Variants in GDF10 observed in about 807,000 individuals in gnomAD.
GDF10 encodes growth/differentiation factor 10.
In GDF10, 23 loss-of-function variants were observed where a neutral mutation model predicts 32.1. The observed-to-expected ratio is 0.72, with a 90% confidence interval of 0.52 to 1.02. The LOEUF is 1.02. GDF10 is among the 50% of genes least tolerant of loss of function. The pLI, the probability that GDF10 is intolerant of heterozygous loss-of-function variation, is 0.00. For synonymous variants in GDF10, 328 were observed against 303.1 expected (o/e 1.08, Z -0.85); for missense variants, 764 against 673.9 (o/e 1.13, Z -1.48).
chr10:47,310,737 C>T lies in GDF10; in HGVS notation c.1245+16C>T, dbSNP rs9421733. Reference sequence around the variant, plus strand: ...CATGCCTAAGGTAGGGTTTCTTCCGCCTTTTGCCAAATTCTAAGGCTCAGC... The same window carrying T: ...CATGCCTAAGGTAGGGTTTCTTCCGTCTTTTGCCAAATTCTAAGGCTCAGC... On this transcript the variant is annotated intron_variant, in intron 2 of 2. Coordinates refer to ENST00000580279, the MANE Select transcript of GDF10 (RefSeq NM_004962.5). The T allele has an allele frequency of 0.013, 20,004 of 1,575,326 alleles. 177 individuals are homozygous for T. Among genetic ancestry groups the T allele is most frequent in the Non-Finnish European group, 0.014 (15,642 of 1,145,270 alleles).
intron 2 of GDF10, 123 bp from the exon 3 acceptor site, chr10:47,312,478 A>G (rs1470510500): frequency 2.0e-6 from 1 of 511,482 alleles, no homozygotes; most frequent in Non-Finnish European, 3.4e-6. Context: ...GTGGATGCCT[A>G]TTCTGTGGCC....
chr10:47,309,636 T>C (rs1275957934), intron 1 of GDF10, among the ~76,000 whole-genome samples, 160 bp from the exon 2 acceptor site: 2 of 152,176 alleles, frequency 1.3e-5, no homozygotes, highest in East Asian at 3.8e-4. Context: ...CCCTCATCAG[T>C]TTCATGTGAG....
At position 47,300,687 on chromosome 10, in the gene GDF10, C is replaced by G. The variant is rs782734590; in HGVS notation, c.36C>G (p.Pro12=). 3 of 1,602,562 alleles carry G rather than the reference C, an allele frequency of 1.9e-6. No homozygotes were observed. The highest frequency in any genetic ancestry group is 2.7e-5 in the African/African-American group (2 of 73,872). Residue 12 remains proline, a synonymous_variant, in exon 1 of 3, where the codon CCC becomes CCG. Transcript: ENST00000580279. Reference sequence around the variant, plus strand: ...TCCCCGCTCGGACCAGCCCGGGACCCGGGCCCCAGCTGCTGCTGCTGCTGC... The same window carrying G: ...TCCCCGCTCGGACCAGCCCGGGACCGGGGCCCCAGCTGCTGCTGCTGCTGC... ...AHVPARTSPG[P]GPQLLLLLLP... is the part of the protein sequence containing the mutation.
rs1029667861 is a variant in GDF10, at chr10:47,300,945, G to C, written c.294G>C (p.Thr98=). Residue 98 remains threonine, a synonymous_variant, in exon 1 of 3, where the codon ACG becomes ACC. Coordinates refer to ENST00000580279, the MANE Select transcript of GDF10 (RefSeq NM_004962.5). ...RQGARPGGGN[T]VRSFRARLEV... ...GCGCGCGGCCGGGAGGGGGCAACAC[G>C]GTCCGCAGCTTCAGGGCCAGGCTGG... The C allele has an allele frequency of 2.6e-6, 4 of 1,519,794 alleles. No individual in the cohort carries two copies. The highest frequency in any genetic ancestry group is 3.5e-6 in the Non-Finnish European group (4 of 1,140,614). 94.1% of individuals were successfully genotyped at this position (1,519,794 alleles called of 1,614,324 possible).
chr10:47,305,905 T>C (rs782696822), intron 1 of GDF10, among the ~76,000 whole-genome samples: 2 of 152,198 alleles, frequency 1.3e-5, no homozygotes, highest in Admixed American at 6.5e-5. Flanking sequence ...ATGACCTCTG[T>C]TTGCAAAACG....
chr10:47,300,990 G>A lies in GDF10; in HGVS notation c.319+20G>A. 2 of 1,422,216 alleles carry A rather than the reference G, an allele frequency of 1.4e-6. No homozygotes were observed. The highest frequency in any genetic ancestry group is 1.5e-5 in the South Asian group (1 of 67,708). 88.1% of individuals were successfully genotyped at this position (1,422,216 alleles called of 1,614,324 possible). On this transcript the variant is annotated intron_variant, in intron 1 of 2. Coordinates refer to ENST00000580279, the MANE Select transcript of GDF10 (RefSeq NM_004962.5). ...GGCTGGGTAAGTAGAGGGTGCCCCA[G>A]GACCCCTTCTCCTCATTCTCCACCT...
rs782447417 is a variant in GDF10, at chr10:47,312,691, G to A, written c.1336G>A (p.Asp446Asn). Residue 446 changes from aspartate to asparagine, a missense_variant, in exon 3 of 3, where the codon GAT becomes AAT. Asp to Asn is a conservative substitution (Grantham distance 23). Transcript: ENST00000580279. The part of the protein sequence containing the change: ...PGIPEPCCVP[D>N]KMNSLGVLFL... ...CATCCCAGAGCCCTGCTGTGTTCCC[G>A]ATAAGATGAACTCCCTTGGGGTCCT... The A allele has an allele frequency of 9.9e-6, 16 of 1,610,430 alleles. No individual in the cohort carries two copies. The highest frequency in any genetic ancestry group is 2.7e-5 in the African/African-American group (2 of 74,838).
rs782323195 is a variant in GDF10 at position 47,310,061 on chromosome 10, C to A, written c.585C>A (p.Pro195=). The change falls in exon 2 of 3, where the codon CCC becomes CCA. Residue 195 remains proline, a synonymous_variant. Transcript: ENST00000580279. Reference sequence around the variant, plus strand: ...TCCGCGGGGCCATGGCCCTGGCGCCCCCACCGCGCGGCCTGTGGCAGGCCA... The same window carrying A: ...TCCGCGGGGCCATGGCCCTGGCGCCACCACCGCGCGGCCTGTGGCAGGCCA... ...GLLRGAMALA[P]PPRGLWQAKD... The A allele has an allele frequency of 1.9e-6, 3 of 1,605,132 alleles. No individual in the cohort carries two copies. In the East Asian group the frequency reaches 6.7e-5, roughly 36 times the overall value.
At position 47,300,577 on chromosome 10, in the gene GDF10, A is replaced by G. The variant is rs1210620819; in HGVS notation, c.-75A>G. 2 of 1,385,160 alleles carry G rather than the reference A, an allele frequency of 1.4e-6. No individual in the cohort carries two copies. The highest frequency in any genetic ancestry group is 1.9e-6 in the Non-Finnish European group (2 of 1,032,400). The allele number at this position is 1,385,160 out of a possible 1,614,324, so 85.8% of individuals were successfully genotyped here. A position where few individuals can be genotyped will look rare whatever the true frequency, so the allele number is the denominator to read the frequency against. ...CCGCGCGCCCTACTGCCGCGAGGTCAGTCCGCAGCCTCCGGTGCGCCAGCG... is the reference window on the plus strand; with the variant it reads ...CCGCGCGCCCTACTGCCGCGAGGTCGGTCCGCAGCCTCCGGTGCGCCAGCG... On this transcript the variant is annotated 5_prime_UTR_variant, in exon 1 of 3. Transcript: ENST00000580279.
rs781918905 is a variant in GDF10 at position 47,310,059 on chromosome 10, C to T, written c.583C>T (p.Pro195Ser). Residue 195 changes from proline to serine, a missense_variant, in exon 2 of 3, where the codon CCC (proline) becomes TCC (serine). Coordinates refer to ENST00000580279, the MANE Select transcript of GDF10 (RefSeq NM_004962.5). ...ACTCCGCGGGGCCATGGCCCTGGCGCCCCCACCGCGCGGCCTGTGGCAGGC... is the reference window on the plus strand; with the variant it reads ...ACTCCGCGGGGCCATGGCCCTGGCGTCCCCACCGCGCGGCCTGTGGCAGGC... ...GLLRGAMALA[P>S]PPRGLWQAKD... is the part of the protein sequence containing the mutation. 10 of 1,604,952 alleles carry T rather than the reference C, an allele frequency of 6.2e-6. No homozygotes were observed. In the South Asian group the frequency reaches 9.9e-5, roughly 16 times the overall value.
chr10:47,305,025 C>T (rs1431344607), intron 1 of GDF10, among the ~76,000 whole-genome samples: 3 of 152,164 alleles, frequency 2.0e-5, no homozygotes, highest in Admixed American at 2.0e-4. Context: ...GAGCCCTGAG[C>T]GCAGGGTGGA....
Position 47,310,244 on chromosome 10 carries a change from C to T in GDF10, c.768C>T (p.Pro256=). 6.2e-7 allele frequency: 1 copy of T among 1,609,846 alleles called. No individual in the cohort carries two copies. Among genetic ancestry groups the T allele is most frequent in the Non-Finnish European group, 8.5e-7 (1 of 1,178,286 alleles). The change falls in exon 2 of 3, where the codon CCC becomes CCT. Residue 256 remains proline, a synonymous_variant. Coordinates refer to ENST00000580279, the MANE Select transcript of GDF10 (RefSeq NM_004962.5). ...VYANDLAISE[P]NSVAVTLQRY... is the part of the protein sequence containing the mutation. ...CCAACGATCTGGCCATCTCGGAGCC[C>T]AACAGCGTGGCAGTGACGCTGCAGA...
intron 1 of GDF10, among the ~76,000 whole-genome samples, chr10:47,301,633 G>A (rs2061005297): frequency 1.3e-5 from 2 of 152,224 alleles, no homozygotes; most frequent in Admixed American, 1.3e-4. Flanking sequence ...ACTTGCAAAG[G>A]CCCATGCTGC....
At chr10:47,311,077 G>A (rs1393819309) in intron 2 of GDF10, among the ~76,000 whole-genome samples, 2 of 152,150 alleles carry the variant, frequency 1.3e-5, no homozygotes. Flanking sequence ...TGTACACACG[G>A]CAGGTCCCAG....
rs1555207937 is a variant in GDF10 at position 47,313,172 on chromosome 10, A to G, written c.*380A>G. 1 of 162,476 alleles carries G rather than the reference A, an allele frequency of 6.2e-6. No homozygotes were observed. The highest frequency in any genetic ancestry group is 1.8e-4 in the East Asian group (1 of 5,618). The allele number at this position is 162,476 out of a possible 1,614,324, so 10.1% of individuals were successfully genotyped here. ...CGCTCGCTCCCTGCACACGGAAAGA[A>G]CTCTGTTTAAATGCTCAGTTCAGAA... On this transcript the variant is annotated 3_prime_UTR_variant, in exon 3 of 3. Transcript: ENST00000580279.
Position 47,313,130 on chromosome 10 carries a change from C to T in GDF10, c.*338C>T. The T allele has an allele frequency of 5.4e-6, 1 of 185,654 alleles. No homozygotes were observed. Among genetic ancestry groups the T allele is most frequent in the African/African-American group, 2.3e-5 (1 of 43,040 alleles). 11.5% of individuals were successfully genotyped at this position (185,654 alleles called of 1,614,324 possible). Reference sequence around the variant, plus strand: ...ATCATCTCATAACTGAGCAAGAAGACTATGCAAATCTTAGGGCGCTCGCTC... The same window carrying T: ...ATCATCTCATAACTGAGCAAGAAGATTATGCAAATCTTAGGGCGCTCGCTC... On this transcript the variant is annotated 3_prime_UTR_variant, in exon 3 of 3. Transcript: ENST00000580279.
intron 1 of GDF10, among the ~76,000 whole-genome samples, chr10:47,306,019 C>A (rs894339784): frequency 6.6e-6 from 1 of 152,184 alleles, no homozygotes; most frequent in Admixed American, 6.5e-5. Flanking sequence ...TGGGGTCAGA[C>A]AGAGCTGGGT....
rs781992385 is a variant in GDF10, at chr10:47,310,311, G to A, written c.835G>A (p.Ala279Thr). The change falls in exon 2 of 3, where the codon GCC becomes ACC. Residue 279 changes from alanine to threonine, a missense_variant. Transcript: ENST00000580279. ...TGCCGGAGACCCCGAGCCCCGCGCA[G>A]CCCCCAACAACTCAGCGGACCCCCG... ...FPAGDPEPRA[A>T]PNNSADPRVR... 7 of 1,608,036 alleles carry A rather than the reference G, an allele frequency of 4.4e-6. No individual in the cohort carries two copies. The highest frequency in any genetic ancestry group is 4.0e-5 in the African/African-American group (3 of 74,888).
chr10:47,309,893 G>T lies in GDF10; in HGVS notation c.417G>T (p.Pro139=). The T allele has an allele frequency of 1.9e-6, 3 of 1,612,952 alleles. No homozygotes were observed. In the African/African-American group the frequency reaches 4.0e-5, roughly 21 times the overall value. ...CCACTTTCCACTTCTACTCAGAGCC[G>T]CCTCGGTGGCCTCGAGCGCTCGAGG... ...LTATFHFYSE[P]PRWPRALEVL... The change falls in exon 2 of 3, where the codon CCG becomes CCT. Residue 139 remains proline (P), a synonymous_variant. Transcript: ENST00000580279.
Sources: allele counts gnomAD v4.1 joint callset (sites outside exome capture counted in the v4.1 genomes callset), GRCh38; gene constraint gnomAD v4.1.1; transcripts MANE v1.5; gene names NCBI Gene and HGNC (gene_info 2026-07-23, HGNC 2026-07-21).